Variants in TBX5 observed in about 807,000 individuals in gnomAD.
The protein encoded by TBX5 is T-box transcription factor 5, also known as T-box transcription factor TBX5.
Under a neutral mutation model 51.1 loss-of-function variants are expected in TBX5, and 8 were observed. That is an observed-to-expected ratio of 0.16 (90% confidence interval 0.09 to 0.28). TBX5 has a LOEUF of 0.28. TBX5 is among the 10% of genes least tolerant of loss of function. The pLI is 1.00. For synonymous variants in TBX5, 302 were observed against 266.4 expected (o/e 1.13, Z -1.30); for missense variants, 589 against 671.7 (o/e 0.88, Z 1.36).
upstream of TBX5, chr12:114,408,398 A>G (rs1872361668): frequency 5.9e-6 from 1 of 169,458 alleles, no homozygotes; most frequent in Non-Finnish European, 1.2e-5. Context: ...TATTGGAAGG[A>G]AATCGAGTTG....
chr12:114,381,130 A>T (rs1418001861), intron 7 of TBX5, among the ~76,000 whole-genome samples: 1 of 152,256 alleles, frequency 6.6e-6, no homozygotes, highest in African/African-American at 2.4e-5. Flanking sequence ...CGTTTTCCAA[A>T]CACAGGGAGT....
chr12:114,404,577 T>G (rs1294293131), intron 1 of TBX5, among the ~76,000 whole-genome samples: 3 of 152,174 alleles, frequency 2.0e-5, no homozygotes, highest in Non-Finnish European at 4.4e-5. Context: ...TTAAAAGTCC[T>G]TTAAAATTAA....
At chr12:114,403,031 C>G (rs868464429) in intron 2 of TBX5, among the ~76,000 whole-genome samples, 1 of 152,236 alleles carries the variant, frequency 6.6e-6, no homozygotes, top group Admixed American at 6.5e-5. Context: ...TAAAAATTAC[C>G]AGGATCTACT....
At chr12:114,385,676 C>A (rs1870775014) in intron 6 of TBX5, 109 bp from the exon 7 acceptor site, 2 of 912,134 alleles carry the variant, frequency 2.2e-6, no homozygotes, top group African/African-American at 3.3e-5. Flanking sequence ...CTCTGGCAAC[C>A]AAAAGAAGCA....
intron 5 of TBX5, among the ~76,000 whole-genome samples, chr12:114,395,172 T>C (rs927567860): frequency 6.6e-6 from 1 of 152,130 alleles, no homozygotes; most frequent in African/African-American, 2.4e-5. Context: ...CTTAATAAAT[T>C]AACTCCCTGC....
At chr12:114,392,172 T>C (rs542928043) in intron 6 of TBX5, among the ~76,000 whole-genome samples, 14 of 100,896 alleles carry the variant, frequency 1.4e-4, no homozygotes, top group Non-Finnish European at 2.1e-4. Context: ...ATTCCCTGGA[T>C]TGCGCTAAAA....
chr12:114,360,484 G>A (rs1351005889), intron 8 of TBX5, among the ~76,000 whole-genome samples: 2 of 148,952 alleles, frequency 1.3e-5, no homozygotes, highest in Non-Finnish European at 3.0e-5. Flanking sequence ...GCATGGATGG[G>A]TGGGTGGGTA....
rs1868817755 is a variant in TBX5 at position 114,355,374 on chromosome 12, G to C, written c.*158C>G. ...AATTGTGGTTTCAAGCTACTGATTA[G>C]ATCAGCATCCAGCGACCTTGAGTGC... On this transcript the variant is annotated 3_prime_UTR_variant, in exon 9 of 9. Coordinates refer to ENST00000405440, the MANE Select transcript of TBX5 (RefSeq NM_181486.4). 2 of 901,468 alleles carry C rather than the reference G, an allele frequency of 2.2e-6. No individual in the cohort carries two copies. The highest frequency in any genetic ancestry group is 3.5e-6 in the Non-Finnish European group (2 of 567,242). 55.8% of individuals were successfully genotyped at this position (901,468 alleles called of 1,614,324 possible).
intron 7 of TBX5, among the ~76,000 whole-genome samples, chr12:114,382,777 A>G (rs1870577425): frequency 6.6e-6 from 1 of 152,196 alleles, no homozygotes; most frequent in South Asian, 2.1e-4. Flanking sequence ...AGCCTGGATG[A>G]CAGAGGGAGA....
chr12:114,363,295 G>A lies in TBX5; in HGVS notation c.982+2870C>T, dbSNP rs1869341529. 2.6e-5 allele frequency among the ~76,000 whole-genome samples: 4 copies of A among 152,128 alleles called. No individual in the cohort carries two copies. The South Asian group carries it at 8.3e-4, about 32-fold the overall frequency. On this transcript the variant is annotated intron_variant, in intron 8 of 8. Transcript: ENST00000405440. ...GCCCCCAACTCCAGCTTCCCCAGTG[G>A]CCACTCCAAGTTGATTTTAAGCTCA...
chr12:114,384,745 A>ACACAACAC lies in TBX5; in HGVS notation c.755+730_755+731insGTGTTGTG, dbSNP rs10629159. ...CACACACACACACACACACACACAC[A>ACACAACAC]ACACACACACACAAACCTTCTTGGT... On this transcript the variant is annotated intron_variant, in intron 7 of 8. Coordinates refer to ENST00000405440, the MANE Select transcript of TBX5 (RefSeq NM_181486.4). Among the ~76,000 whole-genome samples the ACACAACAC allele has an allele frequency of 4.5e-3, 518 of 115,234 alleles. 2 individuals are homozygous for ACACAACAC. Among genetic ancestry groups the ACACAACAC allele is most frequent in the South Asian group, 0.015 (53 of 3,652 alleles). 75.6% of individuals were successfully genotyped at this position (115,234 alleles called of 152,430 possible).
At chr12:114,359,672 G>A (rs565412797) in intron 8 of TBX5, among the ~76,000 whole-genome samples, 9 of 152,102 alleles carry the variant, frequency 5.9e-5, no homozygotes, top group Admixed American at 2.0e-4. Flanking sequence ...TTTTGATTCC[G>A]GATAAAGTGA....
intron 7 of TBX5, among the ~76,000 whole-genome samples, chr12:114,378,351 T>C (rs758187553): frequency 1.4e-4 from 22 of 152,028 alleles, no homozygotes; most frequent in Admixed American, 3.3e-4. Flanking sequence ...GGAAAGGGGG[T>C]TCTCTCCATC....
rs937943497 is a variant in TBX5 at position 114,405,689 on chromosome 12, G to T, written c.-100C>A. On this transcript the variant is annotated 5_prime_UTR_variant, in exon 1 of 9. Coordinates refer to ENST00000405440, the MANE Select transcript of TBX5 (RefSeq NM_181486.4). ...TGCTGCTCCTAGCAGGGAAGCCGGC[G>T]GTGAGGCGGGGGAGCAGGCATGGTG... is the stretch of plus-strand genomic sequence containing the variant. 1 of 985,316 alleles carries T rather than the reference G, an allele frequency of 1.0e-6. No homozygotes were observed. The highest frequency in any genetic ancestry group is 1.7e-5 in the African/African-American group (1 of 57,250). 61.0% of individuals were successfully genotyped at this position (985,316 alleles called of 1,614,324 possible).
At chr12:114,383,655 G>T (rs1206259998) in intron 7 of TBX5, among the ~76,000 whole-genome samples, 1 of 152,186 alleles carries the variant, frequency 6.6e-6, no homozygotes, top group Non-Finnish European at 1.5e-5. Context: ...GCTGGTGGTG[G>T]CTAGAATTAG....
At chr12:114,377,473 C>T (rs1425185362) in intron 7 of TBX5, among the ~76,000 whole-genome samples, 1 of 152,088 alleles carries the variant, frequency 6.6e-6, no homozygotes, top group Non-Finnish European at 1.5e-5. Context: ...TCACTGCTGC[C>T]TCAAACTCCT....
At chr12:114,359,024 A>G (rs578006052) in intron 8 of TBX5, among the ~76,000 whole-genome samples, 9 of 151,536 alleles carry the variant, frequency 5.9e-5, no homozygotes, top group South Asian at 4.2e-4. Flanking sequence ...TAGCAAGAGG[A>G]AAAAAAAACA....
chr12:114,359,875 C>T (rs1869137534), intron 8 of TBX5, among the ~76,000 whole-genome samples: 2 of 152,164 alleles, frequency 1.3e-5, no homozygotes, highest in African/African-American at 4.8e-5. Context: ...ATCTTCCTTG[C>T]ACATAAAGCA....
intron 7 of TBX5, among the ~76,000 whole-genome samples, chr12:114,380,576 A>G (rs1468874971): frequency 6.6e-6 from 1 of 152,080 alleles, no homozygotes; most frequent in African/African-American, 2.4e-5. Flanking sequence ...ACCATCTAAA[A>G]CCTGTAATTC....
Sources: gnomAD v4.1 joint callset for allele counts (sites outside exome capture counted in the v4.1 genomes callset) on GRCh38, gnomAD v4.1.1 for gene constraint, MANE v1.5 for transcripts, NCBI Gene and HGNC (gene_info 2026-07-23, HGNC 2026-07-21) for gene names.